SHB: variants seen among roughly 807,000 people sequenced by gnomAD.
SHB encodes SH2 domain containing adaptor protein B.
SHB carries 20 observed loss-of-function variants against 52.3 expected under a neutral mutation model. That is an observed-to-expected ratio of 0.38 (90% CI 0.27 to 0.56). The LOEUF (loss-of-function observed/expected upper bound fraction) is 0.56. Among genes scored for constraint, SHB ranks in the 20% least tolerant of loss-of-function variants. The probability of loss-of-function intolerance (pLI) is 0.71; values close to 1 mark genes in which losing one functional copy is unlikely to be tolerated. For synonymous variants in SHB, 397 were observed against 316.5 expected (o/e 1.25, Z -2.70); for missense variants, 825 against 723.3 (o/e 1.14, Z -1.61).
Position 38,016,147 on chromosome 9 carries a change from T to G in SHB, c.718-16A>C, listed in dbSNP as rs772784373. 3.1e-6 allele frequency: 5 copies of G among 1,613,832 alleles called. No individual in the cohort carries two copies. The highest frequency in any genetic ancestry group is 3.4e-6 in the Non-Finnish European group (4 of 1,179,790). ...CTATGGTCACCTGCAGGGAGGAAGA[T>G]GGCAGGTGTGAGTCCACCTTTGGCT... On this transcript the variant is annotated splice_polypyrimidine_tract_variant and intron_variant, in intron 1 of 5. Transcript: ENST00000377707.
At chr9:37,939,574 G>A (rs1197851633) in intron 5 of SHB, among the ~76,000 whole-genome samples, 1 of 152,204 alleles carries the variant, frequency 6.6e-6, no homozygotes, top group Non-Finnish European at 1.5e-5. Flanking sequence ...CCTGGGGAAA[G>A]GGGTCTGAGA....
At chr9:38,054,011 G>C (rs570898975) in intron 1 of SHB, among the ~76,000 whole-genome samples, 1 of 152,232 alleles carries the variant, frequency 6.6e-6, no homozygotes, top group South Asian at 2.1e-4. Flanking sequence ...TGGTGACACA[G>C]AGTGAATGGT....
At chr9:37,957,688 C>T (rs1832651309) in intron 3 of SHB, among the ~76,000 whole-genome samples, 1 of 152,218 alleles carries the variant, frequency 6.6e-6, no homozygotes, top group African/African-American at 2.4e-5. Flanking sequence ...GTGATGGGCA[C>T]AACAGACAGA....
intron 3 of SHB, among the ~76,000 whole-genome samples, chr9:37,964,591 G>A (rs930698347): frequency 6.6e-6 from 1 of 152,122 alleles, no homozygotes; most frequent in Non-Finnish European, 1.5e-5. Context: ...GGGAAATGGA[G>A]GGCTGGAAAA....
chr9:37,944,637 A>AC (rs1219467868), intron 5 of SHB, among the ~76,000 whole-genome samples: 1 of 152,000 alleles, frequency 6.6e-6, no homozygotes, highest in Non-Finnish European at 1.5e-5. Flanking sequence ...GCCTCGCAGG[A>AC]CCTTGGTGAG....
intron 1 of SHB, among the ~76,000 whole-genome samples, chr9:38,018,390 C>T (rs1821243319): frequency 6.6e-6 from 1 of 152,022 alleles, no homozygotes; most frequent in Admixed American, 6.6e-5. Flanking sequence ...CGGCTGCCTG[C>T]TCCACTTACT....
At chr9:37,981,142 T>C (rs999812918) in intron 2 of SHB, among the ~76,000 whole-genome samples, 4 of 152,262 alleles carry the variant, frequency 2.6e-5, no homozygotes, top group African/African-American at 9.6e-5. Context: ...AAGCCAGGCA[T>C]TGACTTCCCT....
intron 5 of SHB, among the ~76,000 whole-genome samples, chr9:37,926,241 C>T (rs1365630412): frequency 6.7e-6 from 1 of 149,940 alleles, no homozygotes; most frequent in Non-Finnish European, 1.5e-5. Flanking sequence ...GAAAGCAGTG[C>T]CTTTATGACT....
At chr9:37,991,587 GT>G (rs1247335853) in intron 2 of SHB, among the ~76,000 whole-genome samples, 2 of 152,156 alleles carry the variant, frequency 1.3e-5, no homozygotes, top group South Asian at 4.1e-4. Flanking sequence ...AAGAACCATA[GT>G]TATGGTCTCA....
intron 2 of SHB, among the ~76,000 whole-genome samples, chr9:37,975,312 T>C (rs1387649629): frequency 6.6e-6 from 1 of 152,162 alleles, no homozygotes; most frequent in East Asian, 1.9e-4. Flanking sequence ...ACACATTCAT[T>C]TAAAAGAACC....
intron 1 of SHB, among the ~76,000 whole-genome samples, chr9:38,062,950 G>C (rs964125639): frequency 1.3e-5 from 2 of 152,186 alleles, no homozygotes; most frequent in Non-Finnish European, 2.9e-5. Flanking sequence ...GCGGTTTTGG[G>C]GTGATTTGTT....
intron 2 of SHB, among the ~76,000 whole-genome samples, chr9:38,003,448 G>A (rs1821043089): frequency 6.6e-6 from 1 of 151,846 alleles, no homozygotes; most frequent in Admixed American, 6.5e-5. Flanking sequence ...TCCTCCCCGC[G>A]GCTCCCCGTC....
At chr9:38,015,915 C>T in intron 2 of SHB, 96 bp downstream of exon 2, 1 of 1,224,198 alleles carries the variant, frequency 8.2e-7, no homozygotes, top group Non-Finnish European at 1.2e-6. Context: ...CACCATGCCC[C>T]CAGTGAGGCT....
At chr9:37,996,012 A>T (rs1820942605) in intron 2 of SHB, among the ~76,000 whole-genome samples, 1 of 152,248 alleles carries the variant, frequency 6.6e-6, no homozygotes, top group Admixed American at 6.5e-5. Context: ...AGGGTTCACC[A>T]GAAAGCTCCC....
intron 1 of SHB, among the ~76,000 whole-genome samples, chr9:38,024,287 G>A (rs763876981): frequency 5.3e-5 from 8 of 152,198 alleles, no homozygotes; most frequent in African/African-American, 1.4e-4. Context: ...GCCACTATCC[G>A]TTTTTCTACT....
intron 1 of SHB, among the ~76,000 whole-genome samples, chr9:38,021,658 ACT>A (rs1244691900): frequency 6.6e-6 from 1 of 151,126 alleles, no homozygotes; most frequent in Non-Finnish European, 1.5e-5. Flanking sequence ...ACACAGCGAG[ACT>A]CTGTCTCAAA....
Position 37,919,697 on chromosome 9 carries a change from G to T in SHB, c.*124C>A. ...CAGCATTCTAGAGACATGCAGTGGTGTGCTAGTACCATACACACAACACAA... is the reference window on the plus strand; with the variant it reads ...CAGCATTCTAGAGACATGCAGTGGTTTGCTAGTACCATACACACAACACAA... On this transcript the variant is annotated 3_prime_UTR_variant, in exon 6 of 6. Coordinates refer to ENST00000377707, the MANE Select transcript of SHB (RefSeq NM_003028.3). 1.4e-6 allele frequency: 1 copy of T among 726,540 alleles called. No homozygotes were observed. The highest frequency in any genetic ancestry group is 2.4e-6 in the Non-Finnish European group (1 of 421,872). The allele number at this position is 726,540 out of a possible 1,614,324, so 45.0% of individuals were successfully genotyped here. A position where few individuals can be genotyped will look rare whatever the true frequency, so the allele number is the denominator to read the frequency against.
chr9:38,040,958 T>A (rs1438150717), intron 1 of SHB, among the ~76,000 whole-genome samples: 3 of 151,222 alleles, frequency 2.0e-5, no homozygotes, highest in African/African-American at 7.3e-5. Flanking sequence ...AGGGCTGGGG[T>A]GGAAGATACT....
intron 3 of SHB, among the ~76,000 whole-genome samples, chr9:37,967,659 C>G (rs1820541895): frequency 6.6e-6 from 1 of 152,228 alleles, no homozygotes; most frequent in Admixed American, 6.5e-5. Flanking sequence ...ATGGCAGCAT[C>G]AGCATCACCT....
Sources: gnomAD v4.1 joint callset for allele counts (sites outside exome capture counted in the v4.1 genomes callset) on GRCh38, gnomAD v4.1.1 for gene constraint, MANE v1.5 for transcripts, NCBI Gene and HGNC (gene_info 2026-07-23, HGNC 2026-07-21) for gene names.